The following MCTP2 variants were observed in gnomAD, a reference collection of about 807,000 sequenced individuals.
MCTP2 encodes the protein multiple C2 and transmembrane domain containing 2, also known as multiple C2 and transmembrane domain-containing protein 2.
A neutral mutation model predicts 111.6 loss-of-function variants in MCTP2; 132 were observed. The ratio of observed to expected loss-of-function variants is 1.18; its 90% CI spans 1.03 to 1.37. The LOEUF is 1.37. Ranked by LOEUF, MCTP2 falls within the 40% of genes most tolerant of loss-of-function variation. MCTP2 has a pLI of 0.00. For synonymous variants in MCTP2, 395 were observed against 387.7 expected, an observed-to-expected ratio of 1.02 and a Z score of -0.22; for missense variants, 1,183 against 1,067.9, an observed-to-expected ratio of 1.11 and a Z score of -1.50.
chr15:94,393,723 G>A (rs887419548), intron 14 of MCTP2, among the ~76,000 whole-genome samples: 1 of 151,856 alleles, frequency 6.6e-6, no homozygotes, highest in Non-Finnish European at 1.5e-5. Flanking sequence ...AATCAATAAG[G>A]AAAATACAAG....
chr15:94,300,451 A>T lies in MCTP2; in HGVS notation c.465+1721A>T, dbSNP rs1053632509. On this transcript the variant is annotated intron_variant, in intron 2 of 22. Transcript: ENST00000357742. ...CATGAACGCGGGAGGTAGAACCTGC[A>T]GTGAGCTAAGATCGCGCCACTGCAC... 3.3e-5 allele frequency among the ~76,000 whole-genome samples: 5 copies of T among 150,256 alleles called. No homozygotes were observed. In the South Asian group the frequency reaches 1.0e-3, roughly 32 times the overall value.
intron 3 of MCTP2, 106 bp downstream of exon 3, chr15:94,314,450 A>AG (rs2076290555): frequency 1.1e-6 from 1 of 886,584 alleles, no homozygotes; most frequent in Admixed American, 2.8e-5. Flanking sequence ...AAAAAAAAAA[A>AG]AATGCCAAAC....
At chr15:94,389,805 T>A (rs921471079) in intron 14 of MCTP2, among the ~76,000 whole-genome samples, 5 of 152,034 alleles carry the variant, frequency 3.3e-5, no homozygotes, top group African/African-American at 1.2e-4. Flanking sequence ...TTATAAACCG[T>A]AACTTGATTT....
intron 4 of MCTP2, among the ~76,000 whole-genome samples, chr15:94,334,524 T>A (rs1052030310): frequency 5.3e-5 from 8 of 152,202 alleles, no homozygotes; most frequent in African/African-American, 1.9e-4. Context: ...TAGAAAACTT[T>A]AAGGTGTTTT....
chr15:94,313,211 C>G (rs1359115628), intron 2 of MCTP2, among the ~76,000 whole-genome samples: 1 of 152,206 alleles, frequency 6.6e-6, no homozygotes, highest in Non-Finnish European at 1.5e-5. Flanking sequence ...CCCCCCTCCA[C>G]TCTGCCTCTC....
intron 17 of MCTP2, among the ~76,000 whole-genome samples, chr15:94,405,858 T>C (rs1037768809): frequency 6.6e-6 from 1 of 152,244 alleles, no homozygotes; most frequent in African/African-American, 2.4e-5. Flanking sequence ...TAAGGTTTAC[T>C]TAGTTATATT....
chr15:94,275,612 C>T (rs924266172), intron 1 of MCTP2, among the ~76,000 whole-genome samples: 5 of 151,980 alleles, frequency 3.3e-5, no homozygotes, highest in Non-Finnish European at 7.4e-5. Context: ...AAATCAATTT[C>T]GTATTTATTG....
chr15:94,390,074 A>ATG (rs1329165239), intron 14 of MCTP2, among the ~76,000 whole-genome samples: 834 of 25,794 alleles, frequency 0.032, 22 homozygotes, highest in Non-Finnish European at 0.05. Context: ...ATATATATAT[A>ATG]TATATATATA....
In MCTP2 at chr15:94,385,461, T is replaced by C; in HGVS notation, c.1724T>C (p.Val575Ala). The C allele has an allele frequency of 6.2e-7, 1 of 1,613,564 alleles. No individual in the cohort carries two copies. Among genetic ancestry groups the C allele is most frequent in the Non-Finnish European group, 8.5e-7 (1 of 1,179,700 alleles). ...KDIHDVLEVT[V>A]FDEDGDKPPD... ...ATCCATGATGTTTTGGAAGTGACAGTGTTTGATGAAGATGGAGATAAACCC... is the reference window on the plus strand; with the variant it reads ...ATCCATGATGTTTTGGAAGTGACAGCGTTTGATGAAGATGGAGATAAACCC... Residue 575 changes from valine (V) to alanine (A), a missense_variant, in exon 14 of 23, where the codon GTG becomes GCG. Coordinates refer to ENST00000357742, the MANE Select transcript of MCTP2 (RefSeq NM_001385001.1).
At chr15:94,445,557 A>C (rs1485668642) in intron 19 of MCTP2, among the ~76,000 whole-genome samples, 2 of 152,186 alleles carry the variant, frequency 1.3e-5, no homozygotes, top group African/African-American at 2.4e-5. Flanking sequence ...TTTTGAGTGC[A>C]CATACACATA....
At chr15:94,350,518 T>A (rs2078246531) in intron 8 of MCTP2, among the ~76,000 whole-genome samples, 1 of 152,040 alleles carries the variant, frequency 6.6e-6, no homozygotes, top group African/African-American at 2.4e-5. Context: ...CGCAGTGAGC[T>A]GAGATCACAT....
At position 94,273,583 on chromosome 15, in the gene MCTP2, A is replaced by G. The variant is rs374400393; in HGVS notation, c.-65-24618A>G. 5.4e-5 allele frequency: 11 copies of G among 203,500 alleles called. No homozygotes were observed. The East Asian group carries it at 8.1e-4, about 15-fold the overall frequency. The allele number at this position is 203,500 out of a possible 1,614,324, so 12.6% of individuals were successfully genotyped here. A position where few individuals can be genotyped will look rare whatever the true frequency, so the allele number is the denominator to read the frequency against. ...CCCCTCGCAGGTATGCAGGAAGGTCATGTCGTCCCTGCTCTCCAAAGAGCT... is the reference window on the plus strand; with the variant it reads ...CCCCTCGCAGGTATGCAGGAAGGTCGTGTCGTCCCTGCTCTCCAAAGAGCT... On this transcript the variant is annotated intron_variant, in intron 1 of 22. Transcript: ENST00000357742.
At chr15:94,467,713 T>C (rs564521917) in intron 20 of MCTP2, among the ~76,000 whole-genome samples, 94 of 152,318 alleles carry the variant, frequency 6.2e-4, no homozygotes, top group African/African-American at 2.1e-3. Context: ...CCCTGTGCCC[T>C]TGGGCAAGGA....
rs1567543389 is a variant in MCTP2 at position 94,367,720 on chromosome 15, G to T, written c.1417G>T (p.Val473Phe). ...MLVTLTPCAG[V>F]SVSDLCVCPL... The stretch of plus-strand genomic sequence containing the variant: ...GGTCACACTTACACCCTGTGCGGGG[G>T]TCTCCGTCTCTGATCTGTGTGTCTG... The change falls in exon 11 of 23, where the codon GTC becomes TTC. Residue 473 changes from valine to phenylalanine, a missense_variant. Physicochemically the swap from Val to Phe is conservative, Grantham distance 50. Coordinates refer to ENST00000357742, the MANE Select transcript of MCTP2 (RefSeq NM_001385001.1). 1 of 1,609,248 alleles carries T rather than the reference G, an allele frequency of 6.2e-7. No individual in the cohort carries two copies. Among genetic ancestry groups the T allele is most frequent in the Non-Finnish European group, 8.5e-7 (1 of 1,178,056 alleles).
At chr15:94,412,396 T>C (rs567183947) in intron 17 of MCTP2, among the ~76,000 whole-genome samples, 3 of 152,118 alleles carry the variant, frequency 2.0e-5, no homozygotes, top group South Asian at 2.1e-4. Context: ...CGTAGGGAGA[T>C]GTAAATCTGT....
chr15:94,318,726 C>G (rs966838314), intron 4 of MCTP2, among the ~76,000 whole-genome samples: 2 of 152,166 alleles, frequency 1.3e-5, no homozygotes, highest in African/African-American at 2.4e-5. Context: ...GCAGTTACAG[C>G]AGATTCCGAG....
At chr15:94,295,786 G>C (rs922714887) in intron 1 of MCTP2, among the ~76,000 whole-genome samples, 1 of 152,016 alleles carries the variant, frequency 6.6e-6, no homozygotes, top group Non-Finnish European at 1.5e-5. Flanking sequence ...ATGGTGGCGT[G>C]TGTCTGTAGT....
In MCTP2 at chr15:94,299,243, C is replaced by T. The variant is rs78573066; in HGVS notation, c.465+513C>T. 5.3e-5 allele frequency among the ~76,000 whole-genome samples: 8 copies of T among 151,682 alleles called. No homozygotes were observed. In the East Asian group the frequency reaches 9.7e-4, roughly 18 times the overall value. On this transcript the variant is annotated intron_variant, in intron 2 of 22. Coordinates refer to ENST00000357742, the MANE Select transcript of MCTP2 (RefSeq NM_001385001.1). ...CCAGAATACTTTAGGACATTAAAAGCCATATTGGATGAATTCTCTTTTATC... is the reference window on the plus strand; with the variant it reads ...CCAGAATACTTTAGGACATTAAAAGTCATATTGGATGAATTCTCTTTTATC...
At chr15:94,457,490 C>T (rs897585759) in intron 19 of MCTP2, among the ~76,000 whole-genome samples, 1 of 152,120 alleles carries the variant, frequency 6.6e-6, no homozygotes, top group Admixed American at 6.6e-5. Context: ...GAGGAGATCG[C>T]AATCAATTGC....
Sources: gnomAD v4.1 joint callset for allele counts (sites outside exome capture counted in the v4.1 genomes callset) on GRCh38, gnomAD v4.1.1 for gene constraint, MANE v1.5 for transcripts, NCBI Gene and HGNC (gene_info 2026-07-23, HGNC 2026-07-21) for gene names.